Variants in SLC14A2 observed in about 807,000 individuals in gnomAD.
SLC14A2 encodes the protein urea transporter 2.
SLC14A2 carries 91 observed loss-of-function variants against 104.6 expected under a neutral mutation model. The ratio of observed to expected loss-of-function variants is 0.87; its 90% CI spans 0.73 to 1.04. The LOEUF (loss-of-function observed/expected upper bound fraction) is 1.04. SLC14A2 is among the 50% of genes least tolerant of loss of function. The pLI, the probability that SLC14A2 is intolerant of heterozygous loss-of-function variation, is 0.00. For synonymous variants in SLC14A2, 476 were observed against 466.4 expected, an observed-to-expected ratio of 1.02 and a Z score of -0.27; for missense variants, 1,189 against 1,156.0, an observed-to-expected ratio of 1.03 and a Z score of -0.41.
chr18:45,511,107 C>T (rs201609962), intron 2 of SLC14A2, among the ~76,000 whole-genome samples: 23 of 139,724 alleles, frequency 1.6e-4, no homozygotes, highest in Non-Finnish European at 3.0e-4. Flanking sequence ...GTTTTTTTTT[C>T]TTTTTTCCCA....
At chr18:45,582,929 T>G (rs10775478) in intron 2 of SLC14A2, among the ~76,000 whole-genome samples, 72,887 of 151,904 alleles carry the variant, frequency 0.48, 17,846 homozygotes, top group Middle Eastern at 0.55. Flanking sequence ...CTTATAGAGG[T>G]GTCTCCAGGT....
intron 1 of SLC14A2, among the ~76,000 whole-genome samples, chr18:45,387,713 C>T (rs1392898910): frequency 6.6e-6 from 1 of 152,188 alleles, no homozygotes; most frequent in African/African-American, 2.4e-5. Context: ...CTCATGTCCA[C>T]ATCATGTCTC....
chr18:45,177,519 C>T, the SLC14A2 span, among the ~76,000 whole-genome samples: 1 of 152,126 alleles, frequency 6.6e-6, no homozygotes, highest in African/African-American at 2.4e-5. Context: ...TTTAGTCCTG[C>T]CTCAGTGTGT....
chr18:45,655,679 GAGAA>G (rs1205946392), intron 10 of SLC14A2, among the ~76,000 whole-genome samples: 1 of 152,216 alleles, frequency 6.6e-6, no homozygotes, highest in African/African-American at 2.4e-5. Context: ...AGAGCATGTG[GAGAA>G]AGAGAGTATG....
chr18:45,242,838 G>A (rs2144054727), intron 1 of SLC14A2, among the ~76,000 whole-genome samples: 1 of 152,304 alleles, frequency 6.6e-6, no homozygotes, highest in African/African-American at 2.4e-5. Flanking sequence ...TTTAGCCTAT[G>A]TTGGAAGTGC....
At chr18:45,469,687 G>T (rs1038132620) in intron 1 of SLC14A2, among the ~76,000 whole-genome samples, 24 of 152,222 alleles carry the variant, frequency 1.6e-4, no homozygotes, top group African/African-American at 4.8e-4. Flanking sequence ...TGACATGTTT[G>T]TGAAGTCTTA....
At chr18:45,486,588 G>T (rs915083935) in intron 2 of SLC14A2, among the ~76,000 whole-genome samples, 6 of 152,244 alleles carry the variant, frequency 3.9e-5, no homozygotes, top group African/African-American at 7.2e-5. Flanking sequence ...TAATAAATTG[G>T]TCACCAGCTG....
chr18:45,385,369 G>A (rs2144394647), intron 1 of SLC14A2, among the ~76,000 whole-genome samples: 1 of 152,330 alleles, frequency 6.6e-6, no homozygotes, highest in East Asian at 1.9e-4. Context: ...TTCCCTCTGG[G>A]TCAAAATCTT....
chr18:45,394,062 T>G (rs989378556), intron 1 of SLC14A2, among the ~76,000 whole-genome samples: 1 of 152,238 alleles, frequency 6.6e-6, no homozygotes, highest in African/African-American at 2.4e-5. Flanking sequence ...CTCAGGATTT[T>G]ATTTGCCCTC....
chr18:45,577,020 A>AT (rs2044426804), intron 2 of SLC14A2, among the ~76,000 whole-genome samples: 1 of 152,152 alleles, frequency 6.6e-6, no homozygotes, highest in Admixed American at 6.5e-5. Flanking sequence ...TGTCTGGTAC[A>AT]GGGCCTTGGG....
intron 1 of SLC14A2, among the ~76,000 whole-genome samples, chr18:45,410,040 A>T (rs2086197631): frequency 6.6e-6 from 1 of 152,178 alleles, no homozygotes; most frequent in Non-Finnish European, 1.5e-5. Flanking sequence ...GTGACAGATC[A>T]TCAGGAATTA....
In SLC14A2 at chr18:45,403,391, T is replaced by C. The variant is rs373144020; in HGVS notation, c.-124-79842T>C. Reference sequence around the variant, plus strand: ...TCCATAACATGGAATAATAATTTAATTCTACCATAGAACCTCATTTAAAAT... The same window carrying C: ...TCCATAACATGGAATAATAATTTAACTCTACCATAGAACCTCATTTAAAAT... On this transcript the variant is annotated intron_variant, in intron 1 of 20. Transcript: ENST00000586448. Among the ~76,000 whole-genome samples the C allele has an allele frequency of 5.3e-5, 8 of 152,250 alleles. No individual in the cohort carries two copies. The South Asian group carries it at 1.7e-3, about 31-fold the overall frequency.
At chr18:45,505,034 G>A (rs564188472) in intron 2 of SLC14A2, among the ~76,000 whole-genome samples, 16 of 152,260 alleles carry the variant, frequency 1.1e-4, no homozygotes, top group Admixed American at 7.2e-4. Flanking sequence ...GTTACCCAAT[G>A]GGGCTAGAAA....
the SLC14A2 span, among the ~76,000 whole-genome samples, chr18:45,175,426 T>G: frequency 6.7e-6 from 1 of 148,966 alleles, no homozygotes. Flanking sequence ...TAAAAAAAAA[T>G]CCTCTGGAAG....
intron 2 of SLC14A2, among the ~76,000 whole-genome samples, chr18:45,500,679 C>T (rs960608339): frequency 7.2e-5 from 11 of 151,942 alleles, no homozygotes; most frequent in South Asian, 4.2e-4. Flanking sequence ...GCATGGTGGT[C>T]AGAACTGTTG....
chr18:45,224,149 C>G (rs976439546), intron 1 of SLC14A2, among the ~76,000 whole-genome samples: 16 of 152,168 alleles, frequency 1.1e-4, no homozygotes, highest in Admixed American at 3.9e-4. Context: ...TCTTGAAGTG[C>G]GAGGGAGACC....
intron 1 of SLC14A2, among the ~76,000 whole-genome samples, chr18:45,305,853 A>T (rs11661806): frequency 6.6e-6 from 1 of 152,108 alleles, no homozygotes; most frequent in Non-Finnish European, 1.5e-5. Context: ...TTAATTTCAG[A>T]GAAGATATTT....
intron 1 of SLC14A2, among the ~76,000 whole-genome samples, chr18:45,425,155 C>A (rs1009091612): frequency 2.0e-5 from 3 of 152,164 alleles, no homozygotes; most frequent in African/African-American, 7.2e-5. Context: ...TCATAAGAAG[C>A]TTCTAAATAT....
chr18:45,363,138 G>A (rs1416171860), intron 1 of SLC14A2, among the ~76,000 whole-genome samples: 1 of 152,058 alleles, frequency 6.6e-6, no homozygotes, highest in Non-Finnish European at 1.5e-5. Context: ...GTTTTATACA[G>A]CCCCTCCAAA....
Sources: gnomAD v4.1 joint callset for allele counts (sites outside exome capture counted in the v4.1 genomes callset) on GRCh38, gnomAD v4.1.1 for gene constraint, MANE v1.5 for transcripts, NCBI Gene and HGNC (gene_info 2026-07-23, HGNC 2026-07-21) for gene names.